The following MAML3 variants were observed in gnomAD, a reference collection of about 807,000 sequenced individuals.
MAML3 encodes mastermind like transcriptional coactivator 3.
In MAML3, 27 loss-of-function variants were observed where a neutral mutation model predicts 101.9. The ratio of observed to expected loss-of-function variants is 0.27; its 90% CI spans 0.20 to 0.37. The LOEUF (loss-of-function observed/expected upper bound fraction) is 0.37. MAML3 is among the 10% of genes least tolerant of loss of function. MAML3 has a pLI of 1.00. For synonymous variants in MAML3, 501 were observed against 555.9 expected (o/e 0.90, Z 1.39); for missense variants, 1,316 against 1,444.9 (o/e 0.91, Z 1.45).
chr4:139,769,605 A>G (rs1417827422), intron 2 of MAML3, among the ~76,000 whole-genome samples: 1 of 152,054 alleles, frequency 6.6e-6, no homozygotes, highest in Non-Finnish European at 1.5e-5. Context: ...AAGACCTTCC[A>G]TGTCAAAGTT....
chr4:139,934,973 C>T (rs1386598242), intron 1 of MAML3, among the ~76,000 whole-genome samples: 1 of 152,132 alleles, frequency 6.6e-6, no homozygotes, highest in African/African-American at 2.4e-5. Context: ...ACAGAACAGG[C>T]ACTTCCATGA....
chr4:139,907,832 ATTC>A (rs1457038479), intron 1 of MAML3, among the ~76,000 whole-genome samples: 2 of 152,290 alleles, frequency 1.3e-5, no homozygotes, highest in Admixed American at 6.5e-5. Flanking sequence ...ACTGTGCACT[ATTC>A]TTCTTCACCG....
chr4:139,816,961 G>A lies in MAML3; in HGVS notation c.2079+72396C>T, dbSNP rs368879051. Among the ~76,000 whole-genome samples the A allele has an allele frequency of 3.3e-5, 5 of 152,264 alleles. No individual in the cohort carries two copies. In the South Asian group the frequency reaches 6.2e-4, roughly 19 times the overall value. ...TATATTACAATTAGAAAGAATGAGA[G>A]TCCTTTTGCATTCTTAGAGTCTACT... On this transcript the variant is annotated intron_variant, in intron 2 of 4. Coordinates refer to ENST00000509479, the MANE Select transcript of MAML3 (RefSeq NM_018717.5).
chr4:140,119,463 C>T (rs1728568367), intron 1 of MAML3, among the ~76,000 whole-genome samples: 1 of 152,160 alleles, frequency 6.6e-6, no homozygotes, highest in Non-Finnish European at 1.5e-5. Context: ...ATATGCACTG[C>T]TGGTTTAGTG....
At chr4:139,967,492 AC>A (rs1474902837) in intron 1 of MAML3, among the ~76,000 whole-genome samples, 1 of 151,730 alleles carries the variant, frequency 6.6e-6, no homozygotes, top group Non-Finnish European at 1.5e-5. Flanking sequence ...ACACACACAC[AC>A]ACACACACAC....
At chr4:139,851,963 C>A (rs754057575) in intron 2 of MAML3, among the ~76,000 whole-genome samples, 1 of 152,166 alleles carries the variant, frequency 6.6e-6, no homozygotes, top group Admixed American at 6.5e-5. Context: ...AACAAACCAA[C>A]GGGTTCTAAG....
At chr4:139,837,292 C>G (rs944893736) in intron 2 of MAML3, among the ~76,000 whole-genome samples, 1 of 151,640 alleles carries the variant, frequency 6.6e-6, no homozygotes, top group Non-Finnish European at 1.5e-5. Context: ...GTCAGGAGAT[C>G]GAGACCATCC....
chr4:139,887,566 G>C lies in MAML3; in HGVS notation c.2079+1791C>G, dbSNP rs1424656073. 2.0e-5 allele frequency among the ~76,000 whole-genome samples: 3 copies of C among 152,272 alleles called. No individual in the cohort carries two copies. In the South Asian group the frequency reaches 6.2e-4, roughly 32 times the overall value. ...AAGTACCCTTAAAACTCATGTTCCC[G>C]CAAAGACAGGAACTTGTCCCAAGTT... On this transcript the variant is annotated intron_variant, in intron 2 of 4. Coordinates refer to ENST00000509479, the MANE Select transcript of MAML3 (RefSeq NM_018717.5).
intron 1 of MAML3, chr4:140,134,061 A>T (rs756348911): frequency 4.4e-6 from 2 of 454,458 alleles, no homozygotes; most frequent in South Asian, 1.6e-5. Context: ...AGGTTGTGAC[A>T]GTTGTATTAA....
intron 2 of MAML3, among the ~76,000 whole-genome samples, chr4:139,876,508 ATGTGAATCGCC>A (rs1732117565): frequency 6.6e-6 from 1 of 152,226 alleles, no homozygotes; most frequent in Non-Finnish European, 1.5e-5. Context: ...ATACACTCAG[ATGTGAATCGCC>A]TCCTGTTCCA....
intron 1 of MAML3, among the ~76,000 whole-genome samples, chr4:140,109,556 G>A (rs532736361): frequency 3.3e-5 from 5 of 152,232 alleles, no homozygotes; most frequent in South Asian, 4.2e-4. Context: ...AGACAGCCAC[G>A]CAACACCCAG....
intron 1 of MAML3, among the ~76,000 whole-genome samples, chr4:140,129,965 C>CAA (rs546032082): frequency 8.0e-5 from 9 of 112,782 alleles, no homozygotes; most frequent in East Asian, 7.6e-4. Flanking sequence ...AACTCCGTCT[C>CAA]AAAAAAAAAA....
At chr4:139,878,781 G>A (rs879736770) in intron 2 of MAML3, among the ~76,000 whole-genome samples, 1 of 152,188 alleles carries the variant, frequency 6.6e-6, no homozygotes, top group Non-Finnish European at 1.5e-5. Context: ...ACACAGGGTT[G>A]TGGCTGACCT....
At chr4:139,874,853 G>C (rs1252423436) in intron 2 of MAML3, among the ~76,000 whole-genome samples, 5 of 148,202 alleles carry the variant, frequency 3.4e-5, no homozygotes, top group Admixed American at 6.7e-5. Flanking sequence ...GCCCAGGCTG[G>C]AGTGCAGTGG....
intron 4 of MAML3, among the ~76,000 whole-genome samples, chr4:139,724,105 A>G (rs1206110258): frequency 2.0e-5 from 3 of 152,242 alleles, no homozygotes; most frequent in Non-Finnish European, 2.9e-5. Context: ...GATTTAGTGC[A>G]CAGAACACCT....
chr4:140,109,573 T>G (rs1728407352), intron 1 of MAML3, among the ~76,000 whole-genome samples: 1 of 152,178 alleles, frequency 6.6e-6, no homozygotes, highest in African/African-American at 2.4e-5. Context: ...CCAGAAACGA[T>G]TTCTTCTTTT....
chr4:139,857,465 A>G (rs1731682443), intron 2 of MAML3, among the ~76,000 whole-genome samples: 1 of 152,188 alleles, frequency 6.6e-6, no homozygotes, highest in African/African-American at 2.4e-5. Context: ...CATATTGATA[A>G]TAAGTTTTCT....
At chr4:139,885,211 G>A (rs1451460876) in intron 2 of MAML3, among the ~76,000 whole-genome samples, 1 of 151,906 alleles carries the variant, frequency 6.6e-6, no homozygotes, top group East Asian at 1.9e-4. Flanking sequence ...CACTAGACTG[G>A]GCAACATAGT....
chr4:139,946,303 C>A (rs191608580), intron 1 of MAML3, among the ~76,000 whole-genome samples: 1 of 152,176 alleles, frequency 6.6e-6, no homozygotes, highest in East Asian at 1.9e-4. Context: ...ATTATTTCCA[C>A]AAACCATCTA....
Sources: allele counts gnomAD v4.1 joint callset (sites outside exome capture counted in the v4.1 genomes callset), GRCh38; gene constraint gnomAD v4.1.1; transcripts MANE v1.5; gene names NCBI Gene and HGNC (gene_info 2026-07-23, HGNC 2026-07-21).